MEGF11: variants seen among roughly 807,000 people sequenced by gnomAD.
The protein encoded by MEGF11 is multiple epidermal growth factor-like domains protein 11.
A neutral mutation model predicts 146.6 loss-of-function variants in MEGF11; 126 were observed. The ratio of observed to expected loss-of-function variants is 0.86; its 90% CI spans 0.74 to 1.00. The LOEUF is 1.00. Among genes scored for constraint, MEGF11 ranks in the 50% least tolerant of loss-of-function variants. The probability of loss-of-function intolerance (pLI) is 0.00; values close to 1 mark genes in which losing one functional copy is unlikely to be tolerated. For synonymous variants in MEGF11, 532 were observed against 583.4 expected, an observed-to-expected ratio of 0.91 and a Z score of 1.27; for missense variants, 1,509 against 1,521.2, an observed-to-expected ratio of 0.99 and a Z score of 0.13.
intron 10 of MEGF11, among the ~76,000 whole-genome samples, chr15:65,937,090 A>T (rs943416770): frequency 3.9e-5 from 6 of 152,206 alleles, no homozygotes; most frequent in African/African-American, 1.4e-4. Flanking sequence ...AGATGATCAA[A>T]TCCACTATGA....
intron 10 of MEGF11, among the ~76,000 whole-genome samples, chr15:65,938,770 C>T (rs918465098): frequency 5.9e-5 from 9 of 152,246 alleles, no homozygotes; most frequent in East Asian, 1.9e-4. Context: ...ACTAAAGATG[C>T]AAATCGCTCC....
intron 1 of MEGF11, among the ~76,000 whole-genome samples, chr15:66,234,228 G>A (rs2092039708): frequency 6.6e-6 from 1 of 152,180 alleles, no homozygotes; most frequent in Admixed American, 6.5e-5. Flanking sequence ...TGTAAGACTG[G>A]AACTACTGCA....
chr15:66,114,370 G>A (rs903807552), intron 4 of MEGF11, among the ~76,000 whole-genome samples: 9 of 152,144 alleles, frequency 5.9e-5, no homozygotes, highest in South Asian at 2.1e-4. Context: ...GCTAGCCCAC[G>A]GCGGACACCT....
At chr15:66,218,191 A>C (rs2091635357) in intron 1 of MEGF11, among the ~76,000 whole-genome samples, 1 of 152,246 alleles carries the variant, frequency 6.6e-6, no homozygotes, top group Non-Finnish European at 1.5e-5. Flanking sequence ...CCCAGCATTT[A>C]CATCAATGTG....
chr15:66,041,575 T>C (rs1040016689), intron 5 of MEGF11, among the ~76,000 whole-genome samples: 2 of 152,362 alleles, frequency 1.3e-5, no homozygotes, highest in South Asian at 2.1e-4. Flanking sequence ...CTGCCATTTG[T>C]TTTTGTAAAT....
rs2084549697 is a variant in MEGF11 at position 66,053,714 on chromosome 15, A to ATTTTTTTTTTTTTTTTTTT, written c.394+40687_394+40688insAAAAAAAAAAAAAAAAAAA. ...ACTCAGCTCCCCCTCCCCTGGCACC[A>ATTTTTTTTTTTTTTTTTTT]ATTTTTTTTTTTTTTTTTTTTTTTT... On this transcript the variant is annotated intron_variant, in intron 5 of 25. Transcript: ENST00000395614. Among the ~76,000 whole-genome samples the ATTTTTTTTTTTTTTTTTTT allele has an allele frequency of 1.9e-4, 8 of 42,268 alleles. 4 individuals are homozygous for ATTTTTTTTTTTTTTTTTTT. Among genetic ancestry groups the ATTTTTTTTTTTTTTTTTTT allele is most frequent in the Non-Finnish European group, 1.3e-4 (2 of 15,512 alleles). 27.7% of individuals were successfully genotyped at this position (42,268 alleles called of 152,430 possible). A position where few individuals can be genotyped will look rare whatever the true frequency, so the allele number is the denominator to read the frequency against.
At chr15:66,105,549 C>A (rs564264125) in intron 4 of MEGF11, among the ~76,000 whole-genome samples, 2 of 152,174 alleles carry the variant, frequency 1.3e-5, no homozygotes, top group African/African-American at 4.8e-5. Flanking sequence ...TATGTGCTGG[C>A]GGGGCAGGGC....
chr15:66,076,511 G>T (rs2085591798), intron 5 of MEGF11, among the ~76,000 whole-genome samples: 1 of 152,182 alleles, frequency 6.6e-6, no homozygotes, highest in South Asian at 2.1e-4. Context: ...TTATTAGAGG[G>T]TGACAGAGTC....
intron 4 of MEGF11, among the ~76,000 whole-genome samples, chr15:66,107,056 C>CG (rs2087119988): frequency 7.1e-6 from 1 of 140,184 alleles, no homozygotes; most frequent in Non-Finnish European, 1.6e-5. Context: ...ATATTCCTAC[C>CG]CCCCCACCAG....
chr15:66,062,649 C>T (rs1567223593), intron 5 of MEGF11, among the ~76,000 whole-genome samples: 2 of 152,188 alleles, frequency 1.3e-5, no homozygotes, highest in African/African-American at 4.8e-5. Context: ...TGCCCAAACT[C>T]CTGACCCACA....
intron 1 of MEGF11, among the ~76,000 whole-genome samples, chr15:66,246,179 C>A (rs966739818): frequency 1.3e-5 from 2 of 152,160 alleles, no homozygotes; most frequent in Admixed American, 1.3e-4. Context: ...ATTGCTTGAA[C>A]CCGAGAGGGA....
chr15:66,015,497 AC>A (rs1884641139), intron 5 of MEGF11, among the ~76,000 whole-genome samples: 1 of 152,212 alleles, frequency 6.6e-6, no homozygotes, highest in Non-Finnish European at 1.5e-5. Flanking sequence ...GAAAGATAAA[AC>A]AGTCCCTGGG....
chr15:65,905,768 A>C (rs914746369), intron 24 of MEGF11: 33 of 235,780 alleles, frequency 1.4e-4, no homozygotes, highest in African/African-American at 7.2e-4. Flanking sequence ...CAGATTTTAT[A>C]ATCAATTTAA....
At chr15:66,184,746 C>T (rs1265049783) in intron 1 of MEGF11, among the ~76,000 whole-genome samples, 1 of 151,798 alleles carries the variant, frequency 6.6e-6, no homozygotes, top group Admixed American at 6.6e-5. Flanking sequence ...CCCAAAGCAC[C>T]GTGTTTCCGT....
intron 10 of MEGF11, among the ~76,000 whole-genome samples, chr15:65,934,975 T>C (rs1415122400): frequency 6.6e-6 from 1 of 152,146 alleles, no homozygotes; most frequent in African/African-American, 2.4e-5. Flanking sequence ...AGCAAGTTAA[T>C]TGAACCCAGG....
intron 5 of MEGF11, among the ~76,000 whole-genome samples, chr15:66,082,671 T>TAAAAAAAA (rs1567232498): frequency 1.1e-3 from 1 of 938 alleles, no homozygotes; most frequent in Non-Finnish European, 6.5e-3. Flanking sequence ...AGACTCTGTC[T>TAAAAAAAA]CAAAAAAAAA....
At chr15:66,198,979 T>G (rs1223431888) in intron 1 of MEGF11, among the ~76,000 whole-genome samples, 3 of 152,172 alleles carry the variant, frequency 2.0e-5, no homozygotes, top group Admixed American at 6.5e-5. Context: ...AGCCACTGGG[T>G]GTGACTCTGA....
At position 66,068,389 on chromosome 15, in the gene MEGF11, G is replaced by A. The variant is rs181515668; in HGVS notation, c.394+26013C>T. ...GATGTCTAGCAGCAACCCTGGCTAC[G>A]ACCCACCACATACCAATCGTGCTCT... On this transcript the variant is annotated intron_variant, in intron 5 of 25. Transcript: ENST00000395614. 2.0e-3 allele frequency among the ~76,000 whole-genome samples: 304 copies of A among 152,262 alleles called. 1 individual carries two copies. The highest frequency in any genetic ancestry group is 3.5e-3 in the Admixed American group (54 of 15,294).
At chr15:66,100,212 G>C (rs567686554) in intron 4 of MEGF11, among the ~76,000 whole-genome samples, 40 of 152,306 alleles carry the variant, frequency 2.6e-4, no homozygotes, top group African/African-American at 7.0e-4. Context: ...TGGGCTCTGT[G>C]GGCAGGGGTT....
Sources: gnomAD v4.1 joint callset for allele counts (sites outside exome capture counted in the v4.1 genomes callset) on GRCh38, gnomAD v4.1.1 for gene constraint, MANE v1.5 for transcripts, NCBI Gene and HGNC (gene_info 2026-07-23, HGNC 2026-07-21) for gene names.